Variants in CSMD1 observed in about 807,000 individuals in gnomAD.
CSMD1 encodes CUB and sushi domain-containing protein 1.
In CSMD1, 213 loss-of-function variants were observed where a neutral mutation model predicts 417.5. The observed-to-expected ratio is 0.51, with a 90% CI of 0.46 to 0.57. The LOEUF (loss-of-function observed/expected upper bound fraction) is 0.57, where lower values mean the gene tolerates loss of function less well. Among genes scored for constraint, CSMD1 ranks in the 20% least tolerant of loss-of-function variants. CSMD1 has a pLI of 0.00. For synonymous variants in CSMD1, 2,862 were observed against 1,736.8 expected (o/e 1.65, Z -16.11); for missense variants, 6,923 against 4,529.7 (o/e 1.53, Z -15.17).
chr8:3,759,589 G>C (rs1797873789), intron 5 of CSMD1, among the ~76,000 whole-genome samples: 1 of 151,922 alleles, frequency 6.6e-6, no homozygotes, highest in South Asian at 2.1e-4. Context: ...ATTCAAAGTA[G>C]AAACCTCTAA....
At chr8:4,567,394 T>C (rs1798663358) in intron 2 of CSMD1, among the ~76,000 whole-genome samples, 1 of 152,122 alleles carries the variant, frequency 6.6e-6, no homozygotes, top group Admixed American at 6.5e-5. Context: ...TTAGACACAA[T>C]GGTGCAGCTG....
At chr8:4,755,225 C>T (rs547629167) in intron 1 of CSMD1, among the ~76,000 whole-genome samples, 1 of 152,194 alleles carries the variant, frequency 6.6e-6, no homozygotes. Context: ...GCAGTATTTC[C>T]TGAGTCTTTG....
intron 3 of CSMD1, among the ~76,000 whole-genome samples, chr8:4,259,869 C>T (rs998347098): frequency 1.3e-5 from 2 of 152,158 alleles, no homozygotes; most frequent in Non-Finnish European, 2.9e-5. Flanking sequence ...AATATTGCAG[C>T]TTAAGTTAAT....
At chr8:4,555,009 G>C (rs1431830445) in intron 2 of CSMD1, among the ~76,000 whole-genome samples, 1 of 152,218 alleles carries the variant, frequency 6.6e-6, no homozygotes, top group Non-Finnish European at 1.5e-5. Context: ...CAGAAGGAGA[G>C]CACGCAAGTA....
chr8:4,902,699 G>A (rs572214715), intron 1 of CSMD1, among the ~76,000 whole-genome samples: 2 of 152,090 alleles, frequency 1.3e-5, no homozygotes, highest in East Asian at 1.9e-4. Flanking sequence ...ATACGCACAT[G>A]ATACAAAATT....
chr8:3,404,633 T>G (rs1192637906), intron 15 of CSMD1, among the ~76,000 whole-genome samples: 1 of 152,172 alleles, frequency 6.6e-6, no homozygotes, highest in African/African-American at 2.4e-5. Flanking sequence ...AAATACATGT[T>G]GACTAAAGAC....
rs574838879 is a variant in CSMD1 at position 4,454,809 on chromosome 8, T to C, written c.303-34744A>G. Among the ~76,000 whole-genome samples the C allele has an allele frequency of 2.0e-5, 3 of 152,278 alleles. No individual in the cohort carries two copies. The South Asian group carries it at 6.2e-4, about 32-fold the overall frequency. On this transcript the variant is annotated intron_variant, in intron 2 of 69. Transcript: ENST00000635120. Reference sequence around the variant, plus strand: ...CTTAAGCTACAACTAGAAGTGAAAATTATCTCAACCATAAGAAGAGCAAAG... The same window carrying C: ...CTTAAGCTACAACTAGAAGTGAAAACTATCTCAACCATAAGAAGAGCAAAG...
intron 5 of CSMD1, among the ~76,000 whole-genome samples, chr8:3,768,836 G>C (rs746517849): frequency 6.6e-6 from 1 of 152,210 alleles, no homozygotes; most frequent in African/African-American, 2.4e-5. Context: ...TTGGTGGATA[G>C]TCTAAAAGAA....
In CSMD1 at chr8:3,954,983, T is replaced by A. The variant is rs769986437; in HGVS notation, c.818+42920A>T. On this transcript the variant is annotated intron_variant, in intron 5 of 69. Transcript: ENST00000635120. Reference sequence around the variant, plus strand: ...GGTCTGCATTCAGTTAACATTTTGATGTTAATAAGTGTGGACCATCAGGAA... The same window carrying A: ...GGTCTGCATTCAGTTAACATTTTGAAGTTAATAAGTGTGGACCATCAGGAA... Among the ~76,000 whole-genome samples, 68 of 152,210 alleles carry A rather than the reference T, an allele frequency of 4.5e-4. 1 individual carries two copies. The highest frequency in any genetic ancestry group is 4.6e-4 in the Non-Finnish European group (31 of 68,028).
At chr8:3,289,152 G>A (rs1803367628) in intron 25 of CSMD1, among the ~76,000 whole-genome samples, 1 of 147,506 alleles carries the variant, frequency 6.8e-6, no homozygotes, top group Admixed American at 6.7e-5. Flanking sequence ...CAAAGCACAT[G>A]AACTCATCAT....
chr8:3,412,059 CACGT>C lies in CSMD1; in HGVS notation c.1562-2458_1562-2455del, dbSNP rs745491918. 1.6e-4 allele frequency among the ~76,000 whole-genome samples: 11 copies of C among 67,676 alleles called. 1 individual carries two copies. The highest frequency in any genetic ancestry group is 2.2e-4 in the Non-Finnish European group (8 of 36,118). 44.4% of individuals were successfully genotyped at this position (67,676 alleles called of 152,430 possible). A position where few individuals can be genotyped will look rare whatever the true frequency, so the allele number is the denominator to read the frequency against. On this transcript the variant is annotated intron_variant, in intron 12 of 69. Coordinates refer to ENST00000635120, the MANE Select transcript of CSMD1 (RefSeq NM_033225.6). Reference sequence around the variant, plus strand: ...ACACATATATACACGTATATATACACACGTATATATACATATATACATATATATA... The same window carrying C: ...ACACATATATACACGTATATATACACATATATACATATATACATATATATA...
chr8:3,365,822 A>G (rs1357377954), intron 20 of CSMD1, among the ~76,000 whole-genome samples: 1 of 152,202 alleles, frequency 6.6e-6, no homozygotes, highest in Non-Finnish European at 1.5e-5. Flanking sequence ...CTTGAATAAT[A>G]CAAGGATTAG....
At chr8:3,807,847 A>T (rs1455795009) in intron 5 of CSMD1, among the ~76,000 whole-genome samples, 2 of 152,182 alleles carry the variant, frequency 1.3e-5, no homozygotes, top group Non-Finnish European at 2.9e-5. Context: ...AAATGGAATG[A>T]CTGTGCTCCC....
At chr8:3,784,915 CA>C in intron 5 of CSMD1, among the ~76,000 whole-genome samples, 1 of 152,140 alleles carries the variant, frequency 6.6e-6, no homozygotes, top group South Asian at 2.1e-4. Flanking sequence ...TTTTTGTGGT[CA>C]AAACAAGTTT....
chr8:4,070,650 C>A (rs1360401303), intron 3 of CSMD1, among the ~76,000 whole-genome samples: 1 of 152,124 alleles, frequency 6.6e-6, no homozygotes. Context: ...AGCCACCGTG[C>A]CCGGCCACCA....
intron 7 of CSMD1, among the ~76,000 whole-genome samples, chr8:3,689,276 G>A (rs766012950): frequency 3.9e-5 from 6 of 152,104 alleles, no homozygotes; most frequent in Admixed American, 1.3e-4. Context: ...GCAGCTGAGC[G>A]TCAGGGGCCT....
chr8:3,322,160 T>C (rs920355576), intron 23 of CSMD1, among the ~76,000 whole-genome samples: 4 of 152,216 alleles, frequency 2.6e-5, no homozygotes, highest in African/African-American at 9.6e-5. Context: ...TTGAGGATGA[T>C]AAATGAACTG....
At chr8:4,082,368 T>C (rs994660679) in intron 3 of CSMD1, among the ~76,000 whole-genome samples, 1 of 152,186 alleles carries the variant, frequency 6.6e-6, no homozygotes, top group African/African-American at 2.4e-5. Context: ...ATGGTTTCAC[T>C]GGTGAGTTCT....
chr8:3,142,638 G>C lies in CSMD1; in HGVS notation c.6068C>G (p.Ala2023Gly). The change falls in exon 41 of 70, where the codon GCT (alanine) becomes GGT (glycine). Residue 2023 changes from alanine to glycine, a missense_variant. Ala to Gly is a moderately conservative substitution (Grantham distance 60). Transcript: ENST00000635120. ...HIQFLNFSTE[A>G]NHDFLEIQNG... The stretch of plus-strand genomic sequence containing the variant: ...TTGAATTTCAAGGAAGTCATGATTA[G>C]CTTCGGTAGAAAAATTCAGAAACTG... 1 of 1,613,960 alleles carries C rather than the reference G, an allele frequency of 6.2e-7. No homozygotes were observed. The highest frequency in any genetic ancestry group is 8.5e-7 in the Non-Finnish European group (1 of 1,179,832).
Sources: gnomAD v4.1 joint callset for allele counts (sites outside exome capture counted in the v4.1 genomes callset) on GRCh38, gnomAD v4.1.1 for gene constraint, MANE v1.5 for transcripts, NCBI Gene and HGNC (gene_info 2026-07-23, HGNC 2026-07-21) for gene names.